The following TRA2A variants were observed in gnomAD, a reference collection of about 807,000 sequenced individuals.
TRA2A encodes transformer-2 protein homolog alpha.
Under a neutral mutation model 45.7 loss-of-function variants are expected in TRA2A, and 31 were observed. That is an observed-to-expected ratio of 0.68 (90% CI 0.51 to 0.92). The LOEUF (loss-of-function observed/expected upper bound fraction) is 0.92, where lower values mean the gene tolerates loss of function less well. Among genes scored for constraint, TRA2A ranks in the 40% least tolerant of loss-of-function variants. The pLI, the probability that TRA2A is intolerant of heterozygous loss-of-function variation, is 0.00. For missense variants in TRA2A, 304 were observed against 367.5 expected (o/e 0.83, Z 1.41); for synonymous variants, 132 against 126.2 (o/e 1.05, Z -0.31).
chr7:23,507,091 T>G, intron 5 of TRA2A: 2 of 228,786 alleles, frequency 8.7e-6, no homozygotes, highest in Non-Finnish European at 1.7e-5. Flanking sequence ...GCCAGGAGGG[T>G]TGTATATTTA....
At chr7:23,529,199 T>G (rs1430628904) in intron 1 of TRA2A, among the ~76,000 whole-genome samples, 5 of 152,192 alleles carry the variant, frequency 3.3e-5, no homozygotes, top group Admixed American at 2.0e-4. Context: ...TATCAAGACA[T>G]GCAAAGCCAC....
intron 4 of TRA2A, among the ~76,000 whole-genome samples, chr7:23,511,635 G>A (rs1479555658): frequency 6.6e-6 from 1 of 151,946 alleles, no homozygotes. Context: ...AGTAATTCTA[G>A]CACCTTGGGA....
chr7:23,531,781 G>A lies in TRA2A; in HGVS notation c.36+8C>T, dbSNP rs1256025220. Reference sequence around the variant, plus strand: ...CCGCCTAGACGGCTCCCGCGGCTTTGTACTCACTCTGCCCTCGAAGTTGTT... The same window carrying A: ...CCGCCTAGACGGCTCCCGCGGCTTTATACTCACTCTGCCCTCGAAGTTGTT... On this transcript the variant is annotated splice_region_variant and intron_variant, in intron 1 of 7. Transcript: ENST00000297071. 1.2e-6 allele frequency: 2 copies of A among 1,613,250 alleles called. No homozygotes were observed. The highest frequency in any genetic ancestry group is 1.3e-5 in the African/African-American group (1 of 74,920).
In TRA2A at chr7:23,505,508, A is replaced by G; in HGVS notation, c.*51T>C. The G allele has an allele frequency of 1.9e-6, 1 of 537,140 alleles. No individual in the cohort carries two copies. 33.3% of individuals were successfully genotyped at this position (537,140 alleles called of 1,614,324 possible). ...TGGGGAAATCTCAGAATTAAAAAAAAAAAAAAAAAAAAGAGGAAAAAAAAT... is the reference window on the plus strand; with the variant it reads ...TGGGGAAATCTCAGAATTAAAAAAAGAAAAAAAAAAAAGAGGAAAAAAAAT... On this transcript the variant is annotated 3_prime_UTR_variant, in exon 8 of 8. Transcript: ENST00000297071.
At position 23,523,723 on chromosome 7, in the gene TRA2A, G is replaced by C. The variant is rs140920027; in HGVS notation, c.37-1883C>G. ...CTCAGATACTCTAAACCACTCAACAGATGTCTGGAGCAGGCATAGCAATCT... is the reference window on the plus strand; with the variant it reads ...CTCAGATACTCTAAACCACTCAACACATGTCTGGAGCAGGCATAGCAATCT... On this transcript the variant is annotated intron_variant, in intron 1 of 7. Transcript: ENST00000297071. 3.5e-3 allele frequency among the ~76,000 whole-genome samples: 534 copies of C among 152,322 alleles called. 1 individual carries two copies. Among genetic ancestry groups the C allele is most frequent in the Non-Finnish European group, 5.2e-3 (354 of 68,040 alleles).
intron 4 of TRA2A, among the ~76,000 whole-genome samples, chr7:23,509,727 G>C (rs575590273): frequency 1.6e-5 from 2 of 123,714 alleles, no homozygotes; most frequent in Admixed American, 7.6e-5. Flanking sequence ...GCAAGACTCC[G>C]TCTCAAAAAA....
chr7:23,525,565 T>C (rs1790307984), intron 1 of TRA2A, among the ~76,000 whole-genome samples: 1 of 152,228 alleles, frequency 6.6e-6, no homozygotes, highest in Non-Finnish European at 1.5e-5. Context: ...GCAGAAAAGT[T>C]CTTCTCACAG....
chr7:23,531,932 A>G lies in TRA2A; in HGVS notation c.-108T>C, dbSNP rs1790606613. On this transcript the variant is annotated 5_prime_UTR_variant, in exon 1 of 8. Coordinates refer to ENST00000297071, the MANE Select transcript of TRA2A (RefSeq NM_013293.5). The stretch of plus-strand genomic sequence containing the variant: ...CGTGGGGAAGAGGAAAGAGTCGGCA[A>G]CCACAGCCGCTCCACTCCACTCCCA... 7.9e-7 allele frequency: 1 copy of G among 1,265,426 alleles called. No individual in the cohort carries two copies. The highest frequency in any genetic ancestry group is 1.1e-6 in the Non-Finnish European group (1 of 886,736). 78.4% of individuals were successfully genotyped at this position (1,265,426 alleles called of 1,614,324 possible).
chr7:23,512,405 G>T (rs1257385714), intron 4 of TRA2A, among the ~76,000 whole-genome samples: 3 of 152,130 alleles, frequency 2.0e-5, no homozygotes, highest in Admixed American at 1.3e-4. Flanking sequence ...GACTGCTTGA[G>T]CCCAGGAGGT....
chr7:23,512,372 T>C (rs1393881320), intron 4 of TRA2A, among the ~76,000 whole-genome samples: 2 of 152,140 alleles, frequency 1.3e-5, no homozygotes, highest in Non-Finnish European at 2.9e-5. Context: ...TAGTGTCTGC[T>C]ACTCAGGAGG....
chr7:23,515,223 CTTTTTTTTT>C (rs767953060), intron 3 of TRA2A, among the ~76,000 whole-genome samples: 1 of 96,784 alleles, frequency 1.0e-5, no homozygotes, highest in Non-Finnish European at 1.9e-5. Context: ...GAACATATTT[CTTTTTTTTT>C]TTTTTTTTTT....
In TRA2A at chr7:23,516,526, G is replaced by C; in HGVS notation, c.173C>G (p.Ser58Trp). The C allele has an allele frequency of 6.2e-7, 1 of 1,613,386 alleles. No individual in the cohort carries two copies. Among genetic ancestry groups the C allele is most frequent in the Non-Finnish European group, 8.5e-7 (1 of 1,179,732 alleles). The change falls in exon 3 of 8, where the codon TCG becomes TGG. Residue 58 changes from serine (S) to tryptophan (W), a missense_variant and splice_region_variant. Ser to Trp is a radical substitution (Grantham distance 177, BLOSUM62 -3). Around this residue, in one of 3 missense-constraint regions of TRA2A, gnomAD observed 132 missense variants for 113.4 expected, o/e 1.16. Coordinates refer to ENST00000297071, the MANE Select transcript of TRA2A (RefSeq NM_013293.5). The stretch of plus-strand genomic sequence containing the variant: ...TCTATGAGAATGTCTCCTTGACCTC[G>C]ACCTTTGAGAGAAATACATTTAGGT... ...SHSRSRSKSR[S>W]RSRRHSHRRY...
intron 2 of TRA2A, among the ~76,000 whole-genome samples, chr7:23,520,067 A>C (rs918517736): frequency 2.6e-5 from 4 of 152,146 alleles, no homozygotes; most frequent in Non-Finnish European, 4.4e-5. Flanking sequence ...TTTCTACTAA[A>C]AATACAAAAA....
Position 23,531,658 on chromosome 7 carries a change from G to A in TRA2A, c.36+131C>T, listed in dbSNP as rs188519203. 18 of 918,052 alleles carry A rather than the reference G, an allele frequency of 2.0e-5. No individual in the cohort carries two copies. In the East Asian group the frequency reaches 3.5e-4, roughly 18 times the overall value. 56.9% of individuals were successfully genotyped at this position (918,052 alleles called of 1,614,324 possible). A position where few individuals can be genotyped will look rare whatever the true frequency, so the allele number is the denominator to read the frequency against. ...ACCCAGAAGCCATCTTGGGATGGGAGGAATCAATCGCGATGGCTCCAGAGG... is the reference window on the plus strand; with the variant it reads ...ACCCAGAAGCCATCTTGGGATGGGAAGAATCAATCGCGATGGCTCCAGAGG... On this transcript the variant is annotated intron_variant, in intron 1 of 7. Transcript: ENST00000297071.
At chr7:23,512,815 T>A in intron 4 of TRA2A, 79 bp downstream of exon 4, 2 of 1,096,786 alleles carry the variant, frequency 1.8e-6, no homozygotes, top group South Asian at 2.2e-5. Context: ...AAGGATGCAA[T>A]GTTTACAGAA....
At chr7:23,514,067 A>ATT (rs879501457) in intron 3 of TRA2A, among the ~76,000 whole-genome samples, 11 of 140,182 alleles carry the variant, frequency 7.8e-5, no homozygotes, top group South Asian at 2.3e-4. Flanking sequence ...CGGCTAGTAG[A>ATT]TTTTTTTTTT....
intron 3 of TRA2A, among the ~76,000 whole-genome samples, chr7:23,513,601 A>T (rs541578686): frequency 1.3e-5 from 2 of 152,210 alleles, no homozygotes; most frequent in East Asian, 3.9e-4. Context: ...CTAGGCGACA[A>T]GAGTGTTAGA....
chr7:23,512,421 C>T (rs1789664864), intron 4 of TRA2A, among the ~76,000 whole-genome samples: 1 of 152,082 alleles, frequency 6.6e-6, no homozygotes, highest in Non-Finnish European at 1.5e-5. Flanking sequence ...GAGGTCGAGG[C>T]TGCACTCCAG....
In TRA2A at chr7:23,505,972, C is replaced by T. The variant is rs370289691; in HGVS notation, c.771-159G>A. 3 of 722,262 alleles carry T rather than the reference C, an allele frequency of 4.2e-6. No homozygotes were observed. The African/African-American group carries it at 5.3e-5, about 13-fold the overall frequency. 44.7% of individuals were successfully genotyped at this position (722,262 alleles called of 1,614,324 possible). ...CCAATGAGACCAGAAAAGTATATAGCACAACAAAATACTGACATATACAGA... is the reference window on the plus strand; with the variant it reads ...CCAATGAGACCAGAAAAGTATATAGTACAACAAAATACTGACATATACAGA... On this transcript the variant is annotated intron_variant, in intron 6 of 7. Coordinates refer to ENST00000297071, the MANE Select transcript of TRA2A (RefSeq NM_013293.5).
Sources: gnomAD v4.1 joint callset for allele counts (sites outside exome capture counted in the v4.1 genomes callset) on GRCh38, gnomAD v4.1.1 for gene constraint, gnomAD v4.1.1 regional missense constraint, MANE v1.5 for transcripts, NCBI Gene and HGNC (gene_info 2026-07-23, HGNC 2026-07-21) for gene names.